Variants in KDM4C observed in about 807,000 individuals in gnomAD.
KDM4C encodes lysine-specific demethylase 4C.
KDM4C carries 81 observed loss-of-function variants against 129.3 expected under a neutral mutation model. That is an observed-to-expected ratio of 0.63 (90% CI 0.52 to 0.75). The LOEUF (loss-of-function observed/expected upper bound fraction) is 0.75. KDM4C is among the 30% of genes least tolerant of loss of function. The pLI, the probability that KDM4C is intolerant of heterozygous loss-of-function variation, is 0.00. For synonymous variants in KDM4C, 573 were observed against 456.1 expected (o/e 1.26, Z -3.26); for missense variants, 1,457 against 1,304.0 (o/e 1.12, Z -1.81).
chr9:6,720,904 G>T (rs1180156872), exon 1 of KDM4C: 26 of 1,526,484 alleles, frequency 1.7e-5, no homozygotes, highest in Admixed American at 2.0e-5. Flanking sequence ...TTGTTGAATA[G>T]TTGGAGTGTT....
At chr9:6,909,050 G>C (rs1818822580) in intron 8 of KDM4C, among the ~76,000 whole-genome samples, 1 of 152,192 alleles carries the variant, frequency 6.6e-6, no homozygotes, top group Non-Finnish European at 1.5e-5. Context: ...TTGTTTACCA[G>C]ATCTGCCCCA....
chr9:6,908,365 T>C (rs911113788), intron 8 of KDM4C, among the ~76,000 whole-genome samples: 1 of 152,172 alleles, frequency 6.6e-6, no homozygotes, highest in Non-Finnish European at 1.5e-5. Flanking sequence ...GCGAAGTGGG[T>C]ACAGACAGGC....
intron 8 of KDM4C, among the ~76,000 whole-genome samples, chr9:6,930,988 G>A (rs1446120484): frequency 1.3e-5 from 2 of 152,068 alleles, no homozygotes; most frequent in Admixed American, 1.3e-4. Flanking sequence ...GCTGAAATAT[G>A]CAACTGCATT....
intron 5 of KDM4C, among the ~76,000 whole-genome samples, chr9:6,855,013 T>C (rs139795649): frequency 0.013 from 2,012 of 152,346 alleles, 40 homozygotes; most frequent in African/African-American, 0.046. Flanking sequence ...TAACATGCTA[T>C]GTACAAAGTA....
chr9:7,063,025 C>A (rs994514051), intron 17 of KDM4C, among the ~76,000 whole-genome samples: 7 of 152,094 alleles, frequency 4.6e-5, no homozygotes, highest in Non-Finnish European at 8.8e-5. Context: ...TATAAATACA[C>A]TTTAATTTCT....
chr9:7,020,045 G>A (rs768842666), intron 15 of KDM4C, among the ~76,000 whole-genome samples: 3 of 151,972 alleles, frequency 2.0e-5, no homozygotes, highest in South Asian at 4.1e-4. Context: ...GTGACTTTCT[G>A]TGTCCTCATC....
chr9:7,009,989 T>C (rs1169723100), intron 12 of KDM4C, among the ~76,000 whole-genome samples: 4 of 152,148 alleles, frequency 2.6e-5, no homozygotes, highest in African/African-American at 4.8e-5. Context: ...TACAAGACTT[T>C]TATCATTTAC....
intron 1 of KDM4C, among the ~76,000 whole-genome samples, chr9:6,728,973 A>G (rs1817235742): frequency 6.6e-6 from 1 of 152,050 alleles, no homozygotes; most frequent in Non-Finnish European, 1.5e-5. Context: ...TGGGAGGTCG[A>G]GGTGGATGGA....
At chr9:6,970,026 A>G (rs1831685491) in intron 8 of KDM4C, among the ~76,000 whole-genome samples, 1 of 152,194 alleles carries the variant, frequency 6.6e-6, no homozygotes, top group Non-Finnish European at 1.5e-5. Flanking sequence ...CTCTGAACCA[A>G]TCACTGTTGC....
intron 18 of KDM4C, among the ~76,000 whole-genome samples, chr9:7,116,384 C>T (rs1433765236): frequency 7.5e-6 from 1 of 134,098 alleles, no homozygotes; most frequent in Non-Finnish European, 1.6e-5. Flanking sequence ...GAGCAGTGTC[C>T]TTACTGTATC....
chr9:7,095,378 G>T (rs1007811270), intron 17 of KDM4C, among the ~76,000 whole-genome samples: 1 of 152,284 alleles, frequency 6.6e-6, no homozygotes, highest in South Asian at 2.1e-4. Context: ...TCTTATTTTT[G>T]ATTTATCCTG....
At chr9:6,736,075 T>C (rs1246948831) in intron 1 of KDM4C, among the ~76,000 whole-genome samples, 1 of 152,116 alleles carries the variant, frequency 6.6e-6, no homozygotes, top group African/African-American at 2.4e-5. Flanking sequence ...CCCTAGAGAT[T>C]TGTGGAACTT....
At position 6,899,538 on chromosome 9, in the gene KDM4C, T is replaced by TGG. The variant is rs751090659; in HGVS notation, c.921+6310_921+6311dup. 1.3e-3 allele frequency among the ~76,000 whole-genome samples: 119 copies of TGG among 91,600 alleles called. 1 individual carries two copies. Among genetic ancestry groups the TGG allele is most frequent in the Middle Eastern group, 6.9e-3 (1 of 144 alleles). 60.1% of individuals were successfully genotyped at this position (91,600 alleles called of 152,430 possible). On this transcript the variant is annotated intron_variant, in intron 8 of 21. Transcript: ENST00000381309. The stretch of plus-strand genomic sequence containing the variant: ...CTATGAGTCCTCTGTGCCTTTTCCA[T>TGG]GGGGGTGTGTGTGTGTGTGTGTGTG...
At chr9:6,839,834 T>G (rs1252471946) in intron 4 of KDM4C, among the ~76,000 whole-genome samples, 1 of 151,736 alleles carries the variant, frequency 6.6e-6, no homozygotes, top group Admixed American at 6.6e-5. Context: ...ACCTGGGAGG[T>G]GGAGGTTGCA....
At chr9:6,771,736 A>T (rs1821887297) in intron 1 of KDM4C, among the ~76,000 whole-genome samples, 1 of 152,184 alleles carries the variant, frequency 6.6e-6, no homozygotes, top group African/African-American at 2.4e-5. Flanking sequence ...CACAATGTAG[A>T]ATTGCTGGAA....
In KDM4C at chr9:7,109,406, A is replaced by ACCCAAACAGG. The variant is rs1344489318; in HGVS notation, c.2610+5536_2610+5537insCCCAAACAGG. Among the ~76,000 whole-genome samples the ACCCAAACAGG allele has an allele frequency of 4.0e-4, 61 of 152,334 alleles. 1 individual carries two copies. Among genetic ancestry groups the ACCCAAACAGG allele is most frequent in the Non-Finnish European group, 7.5e-4 (51 of 68,024 alleles). On this transcript the variant is annotated intron_variant, in intron 18 of 21. Transcript: ENST00000381309. ...GAACAATATCTCTCTCCAACTTTCT[A>ACCCAAACAGG]GAATTTTTAGAAAGCCTGTTTCCTC...
intron 17 of KDM4C, 140 bp downstream of exon 17, chr9:7,049,340 A>G (rs1158042611): frequency 1.8e-5 from 9 of 487,826 alleles, no homozygotes; most frequent in South Asian, 3.4e-5. Context: ...CCTTTAGCCT[A>G]AATTTATTTA....
intron 19 of KDM4C, among the ~76,000 whole-genome samples, chr9:7,147,088 A>G (rs1043688487): frequency 6.6e-6 from 1 of 152,216 alleles, no homozygotes; most frequent in Admixed American, 6.5e-5. Context: ...TTCTCCCTGC[A>G]AGATTGCATT....
At chr9:6,957,143 A>T (rs1829208038) in intron 8 of KDM4C, among the ~76,000 whole-genome samples, 1 of 152,084 alleles carries the variant, frequency 6.6e-6, no homozygotes, top group African/African-American at 2.4e-5. Context: ...GAAAATAATG[A>T]CTCTGGCATA....
Sources: allele counts gnomAD v4.1 joint callset (sites outside exome capture counted in the v4.1 genomes callset), GRCh38; gene constraint gnomAD v4.1.1; transcripts MANE v1.5; gene names NCBI Gene and HGNC (gene_info 2026-07-23, HGNC 2026-07-21).